Variants in CXCL5 observed in about 807,000 individuals in gnomAD.
The protein encoded by CXCL5 is C-X-C motif chemokine 5.
CXCL5 carries 13 observed loss-of-function variants against 12.1 expected under a neutral mutation model. The ratio of observed to expected loss-of-function variants is 1.08; its 90% CI spans 0.70 to 1.71. The LOEUF (loss-of-function observed/expected upper bound fraction) is 1.71, where lower values mean the gene tolerates loss of function less well. Among genes scored for constraint, CXCL5 ranks in the 40% most tolerant of loss-of-function variants. The pLI, the probability that CXCL5 is intolerant of heterozygous loss-of-function variation, is 0.00. For missense variants in CXCL5, 159 were observed against 142.4 expected (o/e 1.12, Z -0.59); for synonymous variants, 67 against 59.0 (o/e 1.14, Z -0.62).
Position 73,997,053 on chromosome 4 carries a change from G to C in CXCL5, c.*584C>G, listed in dbSNP as rs1157136474. 2.6e-5 allele frequency: 4 copies of C among 152,138 alleles called. No homozygotes were observed. In the East Asian group the frequency reaches 7.7e-4, roughly 29 times the overall value. The allele number at this position is 152,138 out of a possible 1,614,324, so 9.4% of individuals were successfully genotyped here. A position where few individuals can be genotyped will look rare whatever the true frequency, so the allele number is the denominator to read the frequency against. ...TGAATAAGGAAATATATTCTACATA[G>C]ATAAGGTGTGAAACACTCAGCTTTC... On this transcript the variant is annotated 3_prime_UTR_variant, in exon 4 of 4. Transcript: ENST00000296027.
Position 73,996,172 on chromosome 4 carries a change from A to G in CXCL5, c.*1465T>C, listed in dbSNP as rs199750025. ...AATAGCTTAAACAGAAATATTTGTA[A>G]AAATAAACTTTACAGCATTATCAAG... On this transcript the variant is annotated 3_prime_UTR_variant, in exon 4 of 4. Transcript: ENST00000296027. 3.9e-5 allele frequency: 6 copies of G among 152,624 alleles called. No homozygotes were observed. The highest frequency in any genetic ancestry group is 7.3e-5 in the Non-Finnish European group (5 of 68,030). 9.5% of individuals were successfully genotyped at this position (152,624 alleles called of 1,614,324 possible).
Position 73,996,758 on chromosome 4 carries a change from G to C in CXCL5, c.*879C>G, listed in dbSNP as rs201520116. On this transcript the variant is annotated 3_prime_UTR_variant, in exon 4 of 4. Coordinates refer to ENST00000296027, the MANE Select transcript of CXCL5 (RefSeq NM_002994.5). The stretch of plus-strand genomic sequence containing the variant: ...CTTTCAGAGTACAAGTCATTGTTAA[G>C]TTTGCCTTTACTTTAAAAACTAAAA... 1 of 152,448 alleles carries C rather than the reference G, an allele frequency of 6.6e-6. No homozygotes were observed. The highest frequency in any genetic ancestry group is 2.4e-5 in the African/African-American group (1 of 41,392). The allele number at this position is 152,448 out of a possible 1,614,324, so 9.4% of individuals were successfully genotyped here.
rs965990474 is a variant in CXCL5, at chr4:73,997,514, G to GA, written c.*122dup. Reference sequence around the variant, plus strand: ...AATCCAGGAAGAAAGCTAACTACTGGAAAAACAAATAAACAAACAACAACA... The same window carrying GA: ...AATCCAGGAAGAAAGCTAACTACTGGAAAAAACAAATAAACAAACAACAACA... On this transcript the variant is annotated 3_prime_UTR_variant, in exon 4 of 4. Coordinates refer to ENST00000296027, the MANE Select transcript of CXCL5 (RefSeq NM_002994.5). The GA allele has an allele frequency of 1.3e-6, 1 of 787,936 alleles. No homozygotes were observed. Among genetic ancestry groups the GA allele is most frequent in the Non-Finnish European group, 2.1e-6 (1 of 477,846 alleles). 48.8% of individuals were successfully genotyped at this position (787,936 alleles called of 1,614,324 possible). A position where few individuals can be genotyped will look rare whatever the true frequency, so the allele number is the denominator to read the frequency against.
chr4:73,997,702 T>C (rs376987649), intron 3 of CXCL5, 47 bp from the exon 4 acceptor site: 5 of 1,448,618 alleles, frequency 3.5e-6, no homozygotes, highest in Non-Finnish European at 4.8e-6. Context: ...TCACACTCCT[T>C]TCTACTCCAC....
At position 73,998,227 on chromosome 4, in the gene CXCL5, T is replaced by C. The variant is rs200220379; in HGVS notation, c.221A>G (p.Gln74Arg). ...SNLQVFAIGP[Q>R]CSKVEVVASL... Reference sequence around the variant, plus strand: ...TTACACCACTTCCACCTTGGAGCACTGTGGGCCTATGGCGAACACTTGCAG... The same window carrying C: ...TTACACCACTTCCACCTTGGAGCACCGTGGGCCTATGGCGAACACTTGCAG... Residue 74 changes from glutamine (Q) to arginine (R), a missense_variant, in exon 2 of 4, where the codon CAG (glutamine) becomes CGG (arginine). Gln to Arg is a conservative substitution (Grantham distance 43, BLOSUM62 1). Coordinates refer to ENST00000296027, the MANE Select transcript of CXCL5 (RefSeq NM_002994.5). 6.2e-6 allele frequency: 10 copies of C among 1,614,130 alleles called. No individual in the cohort carries two copies. In the Admixed American group the frequency reaches 6.7e-5, roughly 11 times the overall value.
intron 1 of CXCL5, 23 bp from the exon 2 acceptor site, chr4:73,998,361 C>A (rs1560549467): frequency 5.0e-6 from 8 of 1,613,372 alleles, no homozygotes; most frequent in Non-Finnish European, 5.9e-6. Flanking sequence ...GAGAGACACC[C>A]TTTATAGGGC....
At position 73,998,351 on chromosome 4, in the gene CXCL5, G is replaced by A; in HGVS notation, c.110-13C>T. 6.2e-7 allele frequency: 1 copy of A among 1,613,982 alleles called. No homozygotes were observed. The highest frequency in any genetic ancestry group is 1.7e-5 in the Admixed American group (1 of 60,028). On this transcript the variant is annotated splice_polypyrimidine_tract_variant and intron_variant, in intron 1 of 3. Transcript: ENST00000296027. The stretch of plus-strand genomic sequence containing the variant: ...GCGGCAGGACCAGCTGGGGAAGAAA[G>A]AGAGACACCCTTTATAGGGCAGGTT...
In CXCL5 at chr4:73,996,133, CCAAA is replaced by C. The variant is rs2109818517; in HGVS notation, c.*1500_*1503del. 6.6e-6 allele frequency: 1 copy of C among 152,540 alleles called. No homozygotes were observed. Among genetic ancestry groups the C allele is most frequent in the South Asian group, 2.1e-4 (1 of 4,810 alleles). The allele number at this position is 152,540 out of a possible 1,614,324, so 9.4% of individuals were successfully genotyped here. ...TTTTCTCTTTAAAAGGGAAGGATTT[CCAAA>C]CAAAGGTGAAATAGCTTAAACAGAA... On this transcript the variant is annotated 3_prime_UTR_variant, in exon 4 of 4. Transcript: ENST00000296027.
Position 73,996,853 on chromosome 4 carries a change from A to G in CXCL5, c.*784T>C, listed in dbSNP as rs570981650. 1.3e-5 allele frequency: 2 copies of G among 152,366 alleles called. No individual in the cohort carries two copies. The highest frequency in any genetic ancestry group is 1.9e-4 in the East Asian group (1 of 5,186). 9.4% of individuals were successfully genotyped at this position (152,366 alleles called of 1,614,324 possible). A position where few individuals can be genotyped will look rare whatever the true frequency, so the allele number is the denominator to read the frequency against. ...TCTAGCTTCTTCATCTATCTAAAAT[A>G]TATATTTAGCTACCAGAATTATGGT... On this transcript the variant is annotated 3_prime_UTR_variant, in exon 4 of 4. Transcript: ENST00000296027.
chr4:73,995,974 T>C lies in CXCL5; in HGVS notation c.*1663A>G, dbSNP rs1719184180. Reference sequence around the variant, plus strand: ...TTTAAATATTATCACAGAATCCTATTCTGAAAGACAAATGTTCATTAAAAA... The same window carrying C: ...TTTAAATATTATCACAGAATCCTATCCTGAAAGACAAATGTTCATTAAAAA... On this transcript the variant is annotated 3_prime_UTR_variant, in exon 4 of 4. Transcript: ENST00000296027. 1 of 152,294 alleles carries C rather than the reference T, an allele frequency of 6.6e-6. No individual in the cohort carries two copies. Among genetic ancestry groups the C allele is most frequent in the African/African-American group, 2.4e-5 (1 of 41,352 alleles). 9.4% of individuals were successfully genotyped at this position (152,294 alleles called of 1,614,324 possible). A position where few individuals can be genotyped will look rare whatever the true frequency, so the allele number is the denominator to read the frequency against.
chr4:73,995,834 A>C lies in CXCL5; in HGVS notation c.*1803T>G, dbSNP rs1719179138. On this transcript the variant is annotated 3_prime_UTR_variant, in exon 4 of 4. Coordinates refer to ENST00000296027, the MANE Select transcript of CXCL5 (RefSeq NM_002994.5). ...AAAGCTCAGCAATGCTAAATATATA[A>C]TATATATTATATATAAATATATAAT... 6.8e-6 allele frequency: 1 copy of C among 148,048 alleles called. No homozygotes were observed. 9.2% of individuals were successfully genotyped at this position (148,048 alleles called of 1,614,324 possible). A position where few individuals can be genotyped will look rare whatever the true frequency, so the allele number is the denominator to read the frequency against.
chr4:73,998,399 C>T, intron 1 of CXCL5, 61 bp from the exon 2 acceptor site: 1 of 1,608,722 alleles, frequency 6.2e-7, no homozygotes, highest in Admixed American at 1.7e-5. Context: ...CCCTGGAACG[C>T]AGCGACCCCG....
Position 73,996,103 on chromosome 4 carries a change from TCA to T in CXCL5, c.*1532_*1533del, listed in dbSNP as rs1719186351. 1 of 152,514 alleles carries T rather than the reference TCA, an allele frequency of 6.6e-6. No individual in the cohort carries two copies. The highest frequency in any genetic ancestry group is 2.4e-5 in the African/African-American group (1 of 41,408). 9.4% of individuals were successfully genotyped at this position (152,514 alleles called of 1,614,324 possible). A position where few individuals can be genotyped will look rare whatever the true frequency, so the allele number is the denominator to read the frequency against. ...TTTCCTACAAGCCTTTTCACAAGTG[TCA>T]CATTTTCTCTTTAAAAGGGAAGGAT... On this transcript the variant is annotated 3_prime_UTR_variant, in exon 4 of 4. Transcript: ENST00000296027.
Position 73,998,638 on chromosome 4 carries a change from GAGATTGGAGGAGCGA to G in CXCL5, c.-72_-58del, listed in dbSNP as rs1225118098. ...GGTTCCTGAACTGGGTGGAGGAGCG[GAGATTGGAGGAGCGA>G]AGATTGGAGGATCCGGAGCACTGTG... On this transcript the variant is annotated 5_prime_UTR_variant, in exon 1 of 4. Transcript: ENST00000296027. 5 of 1,438,832 alleles carry G rather than the reference GAGATTGGAGGAGCGA, an allele frequency of 3.5e-6. No homozygotes were observed. The highest frequency in any genetic ancestry group is 2.4e-5 in the South Asian group (2 of 81,656). The allele number at this position is 1,438,832 out of a possible 1,614,324, so 89.1% of individuals were successfully genotyped here.
chr4:73,998,671 G>C lies in CXCL5; in HGVS notation c.-90C>G. The C allele has an allele frequency of 8.7e-7, 1 of 1,145,606 alleles. No individual in the cohort carries two copies. The highest frequency in any genetic ancestry group is 2.6e-5 in the East Asian group (1 of 39,092). 71.0% of individuals were successfully genotyped at this position (1,145,606 alleles called of 1,614,324 possible). A position where few individuals can be genotyped will look rare whatever the true frequency, so the allele number is the denominator to read the frequency against. ...AGGAGCGAAGATTGGAGGATCCGGAGCACTGTGGCTTCCTCGTGCCTTCTG... is the reference window on the plus strand; with the variant it reads ...AGGAGCGAAGATTGGAGGATCCGGACCACTGTGGCTTCCTCGTGCCTTCTG... On this transcript the variant is annotated 5_prime_UTR_variant, in exon 1 of 4. Coordinates refer to ENST00000296027, the MANE Select transcript of CXCL5 (RefSeq NM_002994.5).
intron 1 of CXCL5, 58 bp downstream of exon 1, chr4:73,998,415 G>A (rs2109819984): frequency 6.2e-7 from 1 of 1,608,058 alleles, no homozygotes; most frequent in Non-Finnish European, 8.5e-7. Flanking sequence ...CCCCGCAGAG[G>A]CTGGGATGCA....
rs1054904193 is a variant in CXCL5 at position 73,998,093 on chromosome 4, G to C, written c.245C>G (p.Ala82Gly). 1.9e-6 allele frequency: 3 copies of C among 1,613,520 alleles called. No individual in the cohort carries two copies. In the Admixed American group the frequency reaches 5.0e-5, roughly 27 times the overall value. ...GPQCSKVEVV[A>G]SLKNGKEICL... The stretch of plus-strand genomic sequence containing the variant: ...AATTTCCTTCCCGTTCTTCAGGGAG[G>C]CTCTGAAGGAAAGAAAAAGAAGATA... Residue 82 changes from alanine (A) to glycine (G), a missense_variant and splice_region_variant, in exon 3 of 4, where the codon GCC (alanine) becomes GGC (glycine). Ala to Gly is a moderately conservative substitution (Grantham distance 60). Coordinates refer to ENST00000296027, the MANE Select transcript of CXCL5 (RefSeq NM_002994.5).
chr4:73,997,526 A>G lies in CXCL5; in HGVS notation c.*111T>C. 1 of 845,508 alleles carries G rather than the reference A, an allele frequency of 1.2e-6. No individual in the cohort carries two copies. The highest frequency in any genetic ancestry group is 2.4e-5 in the Admixed American group (1 of 41,742). 52.4% of individuals were successfully genotyped at this position (845,508 alleles called of 1,614,324 possible). ...AAGCTAACTACTGGAAAAACAAATA[A>G]ACAAACAACAACAAAATCTTTCCTT... On this transcript the variant is annotated 3_prime_UTR_variant, in exon 4 of 4. Coordinates refer to ENST00000296027, the MANE Select transcript of CXCL5 (RefSeq NM_002994.5).
rs1719196475 is a variant in CXCL5 at position 73,996,487 on chromosome 4, C to A, written c.*1150G>T. On this transcript the variant is annotated 3_prime_UTR_variant, in exon 4 of 4. Coordinates refer to ENST00000296027, the MANE Select transcript of CXCL5 (RefSeq NM_002994.5). ...GCCACCTTATATATAATTATATATT[C>A]TACCATAAATGCTGGCCTTCTTCAA... 6.6e-6 allele frequency: 1 copy of A among 152,598 alleles called. No individual in the cohort carries two copies. Among genetic ancestry groups the A allele is most frequent in the African/African-American group, 2.4e-5 (1 of 41,436 alleles). 9.5% of individuals were successfully genotyped at this position (152,598 alleles called of 1,614,324 possible).
Sources: allele counts gnomAD v4.1 joint callset, GRCh38; gene constraint gnomAD v4.1.1; transcripts MANE v1.5; gene names NCBI Gene and HGNC (gene_info 2026-07-23, HGNC 2026-07-21).